The following TGFB2 variants were observed in gnomAD, a reference collection of about 807,000 sequenced individuals.
TGFB2 encodes transforming growth factor beta-2 proprotein.
A neutral mutation model predicts 42.7 loss-of-function variants in TGFB2; 13 were observed. That is an observed-to-expected ratio of 0.30 (90% CI 0.20 to 0.48). TGFB2 has a LOEUF of 0.48. Ranked by LOEUF, TGFB2 falls within the 20% of genes least tolerant of loss-of-function variation. The pLI, the probability that TGFB2 is intolerant of heterozygous loss-of-function variation, is 0.99. For missense variants in TGFB2, 390 were observed against 517.5 expected (o/e 0.75, Z 2.39); for synonymous variants, 193 against 193.6 (o/e 1.00, Z 0.03).
rs1306108570 is a variant in TGFB2, at chr1:218,444,540, T to C, written c.*3178T>C. 6.6e-6 allele frequency: 1 copy of C among 152,180 alleles called. No homozygotes were observed. Among genetic ancestry groups the C allele is most frequent in the Non-Finnish European group, 1.5e-5 (1 of 68,034 alleles). The allele number at this position is 152,180 out of a possible 1,614,324, so 9.4% of individuals were successfully genotyped here. ...TATTTCCTCCAATTTTTTTGGCTGC[T>C]ACCTACAAGACCAGACTCCTCAAAC... On this transcript the variant is annotated 3_prime_UTR_variant, in exon 7 of 7. Coordinates refer to ENST00000366930, the MANE Select transcript of TGFB2 (RefSeq NM_003238.6).
At chr1:218,357,842 G>T (rs551895643) in intron 1 of TGFB2, among the ~76,000 whole-genome samples, 24 of 152,246 alleles carry the variant, frequency 1.6e-4, no homozygotes, top group African/African-American at 5.8e-4. Context: ...AAGAAGAGAC[G>T]CTGCGTTTCT....
In TGFB2 at chr1:218,437,328, T is replaced by A; in HGVS notation, c.933-15T>A. 1 of 1,558,596 alleles carries A rather than the reference T, an allele frequency of 6.4e-7. No individual in the cohort carries two copies. Among genetic ancestry groups the A allele is most frequent in the Non-Finnish European group, 8.6e-7 (1 of 1,156,638 alleles). ...CTTTAAAATCTCCATTGCTTTTTTT[T>A]TTTTTTTTTAACAGAAATGTGCAGG... On this transcript the variant is annotated splice_polypyrimidine_tract_variant and intron_variant, in intron 5 of 6. Transcript: ENST00000366930.
At chr1:218,371,373 T>C (rs1267325081) in intron 1 of TGFB2, among the ~76,000 whole-genome samples, 3 of 152,114 alleles carry the variant, frequency 2.0e-5, no homozygotes, top group Non-Finnish European at 4.4e-5. Context: ...TATGACATGA[T>C]TGGATCCACA....
chr1:218,393,171 G>C (rs1220111099), intron 1 of TGFB2, among the ~76,000 whole-genome samples: 1 of 152,208 alleles, frequency 6.6e-6, no homozygotes, highest in African/African-American at 2.4e-5. Flanking sequence ...AGCTGCAGGG[G>C]AAAGTGCATT....
At chr1:218,412,618 T>G (rs928286774) in intron 2 of TGFB2, among the ~76,000 whole-genome samples, 15 of 152,292 alleles carry the variant, frequency 9.8e-5, no homozygotes, top group African/African-American at 3.6e-4. Flanking sequence ...CTAAGCTTTC[T>G]TAGTAATTCC....
At position 218,442,678 on chromosome 1, in the gene TGFB2, T is replaced by G. The variant is rs1345168012; in HGVS notation, c.*1316T>G. ...CTGGGTCCACTTGTCTTTTCTTTTT[T>G]TTGTTTCACAGAAAAGATGGGTTCG... On this transcript the variant is annotated 3_prime_UTR_variant, in exon 7 of 7. Coordinates refer to ENST00000366930, the MANE Select transcript of TGFB2 (RefSeq NM_003238.6). The G allele has an allele frequency of 6.6e-6, 1 of 152,106 alleles. No homozygotes were observed. Among genetic ancestry groups the G allele is most frequent in the East Asian group, 1.9e-4 (1 of 5,200 alleles). The allele number at this position is 152,106 out of a possible 1,614,324, so 9.4% of individuals were successfully genotyped here. A position where few individuals can be genotyped will look rare whatever the true frequency, so the allele number is the denominator to read the frequency against.
intron 1 of TGFB2, among the ~76,000 whole-genome samples, chr1:218,367,928 G>A (rs1362509282): frequency 1.3e-5 from 2 of 151,992 alleles, no homozygotes; most frequent in East Asian, 3.9e-4. Flanking sequence ...TCAGCCTCCT[G>A]AGTAGCTGGG....
chr1:218,382,309 G>A (rs1657992055), intron 1 of TGFB2, among the ~76,000 whole-genome samples: 1 of 152,174 alleles, frequency 6.6e-6, no homozygotes. Flanking sequence ...TTTGGGGACT[G>A]TAGCTTTGGT....
intron 1 of TGFB2, among the ~76,000 whole-genome samples, chr1:218,400,898 A>C (rs1658693165): frequency 6.6e-6 from 1 of 152,096 alleles, no homozygotes; most frequent in African/African-American, 2.4e-5. Flanking sequence ...AAGGGGTAGG[A>C]GGCAGAGAGT....
intron 1 of TGFB2, among the ~76,000 whole-genome samples, chr1:218,388,645 G>A (rs765484702): frequency 2.2e-4 from 33 of 152,124 alleles, no homozygotes; most frequent in Admixed American, 1.2e-3. Flanking sequence ...GTCGGGAGCC[G>A]CTGAATAGCT....
At chr1:218,436,206 G>T in intron 5 of TGFB2, 59 bp downstream of exon 5, 1 of 1,568,208 alleles carries the variant, frequency 6.4e-7, no homozygotes. Flanking sequence ...AACTGCCTTT[G>T]CCCTTTCTTT....
chr1:218,389,390 C>T (rs1359801892), intron 1 of TGFB2, among the ~76,000 whole-genome samples: 1 of 152,182 alleles, frequency 6.6e-6, no homozygotes, highest in Admixed American at 6.5e-5. Flanking sequence ...CTTACAAAGG[C>T]ACCCTCGCCC....
At position 218,441,298 on chromosome 1, in the gene TGFB2, T is replaced by G; in HGVS notation, c.1181T>G (p.Ile394Ser). The G allele has an allele frequency of 6.2e-7, 1 of 1,613,698 alleles. No individual in the cohort carries two copies. Among genetic ancestry groups the G allele is most frequent in the Non-Finnish European group, 8.5e-7 (1 of 1,179,910 alleles). Residue 394 changes from isoleucine to serine, a missense_variant, in exon 7 of 7, where the codon ATT (isoleucine) becomes AGT (serine). Physicochemically the swap from Ile to Ser is moderately radical, Grantham distance 142. Transcript: ENST00000366930. The part of the protein sequence containing the change: ...DLEPLTILYY[I>S]GKTPKIEQLS... ...GAACCTCTAACCATTCTCTACTACA[T>G]TGGCAAAACACCCAAGATTGAACAG...
intron 1 of TGFB2, among the ~76,000 whole-genome samples, chr1:218,361,948 T>G (rs900193417): frequency 2.0e-5 from 3 of 152,222 alleles, no homozygotes; most frequent in Admixed American, 6.5e-5. Flanking sequence ...TCCCCGCTGT[T>G]GGGTCTTCGT....
At chr1:218,351,074 A>T (rs1656853563) in intron 1 of TGFB2, among the ~76,000 whole-genome samples, 1 of 152,206 alleles carries the variant, frequency 6.6e-6, no homozygotes, top group African/African-American at 2.4e-5. Context: ...GTAATTTTCC[A>T]AGTTAAATTG....
intron 1 of TGFB2, among the ~76,000 whole-genome samples, chr1:218,377,689 A>C: frequency 7.0e-6 from 1 of 142,260 alleles, no homozygotes; most frequent in Admixed American, 6.9e-5. Context: ...CCCACCCCCG[A>C]CCCCTGGGAA....
chr1:218,368,716 A>G (rs1475036970), intron 1 of TGFB2, among the ~76,000 whole-genome samples: 2 of 152,018 alleles, frequency 1.3e-5, no homozygotes, highest in Admixed American at 6.5e-5. Flanking sequence ...CACTTGAAGG[A>G]TGTTAGAGAG....
chr1:218,358,475 C>T (rs1230567983), intron 1 of TGFB2, among the ~76,000 whole-genome samples: 1 of 151,326 alleles, frequency 6.6e-6, no homozygotes, highest in Non-Finnish European at 1.5e-5. Flanking sequence ...CTCATTTTCA[C>T]TTATTTTCAC....
chr1:218,382,853 T>C (rs1447796615), intron 1 of TGFB2, among the ~76,000 whole-genome samples: 1 of 152,208 alleles, frequency 6.6e-6, no homozygotes, highest in African/African-American at 2.4e-5. Flanking sequence ...AAATGCCACT[T>C]CTACTTCCCG....
Sources: gnomAD v4.1 joint callset for allele counts (sites outside exome capture counted in the v4.1 genomes callset) on GRCh38, gnomAD v4.1.1 for gene constraint, MANE v1.5 for transcripts, NCBI Gene and HGNC (gene_info 2026-07-23, HGNC 2026-07-21) for gene names.